The following MAPT variants were observed in gnomAD, a reference collection of about 807,000 sequenced individuals.
MAPT encodes the protein microtubule-associated protein tau.
Under a neutral mutation model 67.9 loss-of-function variants are expected in MAPT, and 34 were observed. The ratio of observed to expected loss-of-function variants is 0.50; its 90% CI spans 0.38 to 0.67. The LOEUF (loss-of-function observed/expected upper bound fraction) is 0.67, where lower values mean the gene tolerates loss of function less well. Ranked by LOEUF, MAPT falls within the 30% of genes least tolerant of loss-of-function variation. The pLI is 0.00. For synonymous variants in MAPT, 456 were observed against 464.5 expected (o/e 0.98, Z 0.23); for missense variants, 881 against 1,115.2 (o/e 0.79, Z 2.99).
intron 8 of MAPT, 71 bp downstream of exon 8, chr17:45,991,657 G>A (rs2074066133): frequency 6.8e-6 from 11 of 1,610,000 alleles, no homozygotes; most frequent in African/African-American, 1.3e-5. Flanking sequence ...ATTTTAGGAG[G>A]CCTTAGGCCA....
At chr17:45,982,837 C>A in intron 4 of MAPT, 29 bp from the exon 5 acceptor site, 4 of 1,228,234 alleles carry the variant, frequency 3.3e-6, no homozygotes, top group Non-Finnish European at 4.1e-6. Flanking sequence ...CCTTGCTAAC[C>A]TTTTGCTATC....
chr17:45,996,211 C>T lies in MAPT; in HGVS notation c.1733-188C>T, dbSNP rs2074455841. On this transcript the variant is annotated intron_variant, in intron 8 of 12. Transcript: ENST00000262410. The surrounding 1 kb of genome is among the most constrained non-coding windows in gnomAD (Gnocchi z 4.5). ...GGAAAGGGGTGTCTCTGTCCCTAAG[C>T]AAAAAGGCAGGGAGGAAGAGATGCT... is the stretch of plus-strand genomic sequence containing the variant. Among the ~76,000 whole-genome samples the T allele has an allele frequency of 6.6e-6, 1 of 152,040 alleles. No homozygotes were observed. The highest frequency in any genetic ancestry group is 1.5e-5 in the Non-Finnish European group (1 of 67,992).
intron 1 of MAPT, among the ~76,000 whole-genome samples, chr17:45,912,537 G>A (rs2064869137): frequency 6.6e-6 from 1 of 152,206 alleles, no homozygotes; most frequent in Non-Finnish European, 1.5e-5. Flanking sequence ...AAAAGTCCAG[G>A]AACCAATTCT....
At chr17:45,940,660 C>G (rs2067770079) in intron 1 of MAPT, among the ~76,000 whole-genome samples, 1 of 152,080 alleles carries the variant, frequency 6.6e-6, no homozygotes, top group Admixed American at 6.5e-5. Flanking sequence ...GTGAAGGGCC[C>G]CCTGGGATGA....
intron 2 of MAPT, among the ~76,000 whole-genome samples, chr17:45,970,150 A>T (rs556848899): frequency 6.6e-6 from 1 of 152,218 alleles, no homozygotes; most frequent in South Asian, 2.1e-4. Context: ...TTACACATCC[A>T]TCCAGTTATA....
At position 46,017,440 on chromosome 17, in the gene MAPT, ATTTTTTTTTTTTTTTTT is replaced by A. The variant is rs76980614; in HGVS notation, c.2174-1164_2174-1148del. Among the ~76,000 whole-genome samples, 38 of 63,010 alleles carry A rather than the reference ATTTTTTTTTTTTTTTTT, an allele frequency of 6.0e-4. 1 individual carries two copies. The highest frequency in any genetic ancestry group is 8.4e-4 in the Non-Finnish European group (29 of 34,430). The allele number at this position is 63,010 out of a possible 152,430, so 41.3% of individuals were successfully genotyped here. On this transcript the variant is annotated intron_variant, in intron 11 of 12. Transcript: ENST00000262410. The stretch of plus-strand genomic sequence containing the variant: ...AGGCACATGCCAACATGCCTGGCTA[ATTTTTTTTTTTTTTTTT>A]TTTTTTTTTTTTTGAGATGGAGTTG...
At chr17:45,992,037 C>G (rs561689928) in intron 8 of MAPT, among the ~76,000 whole-genome samples, 1 of 152,180 alleles carries the variant, frequency 6.6e-6, no homozygotes, top group South Asian at 2.1e-4. Flanking sequence ...CCACCTGCCT[C>G]GGCCTCCCAA....
chr17:45,978,720 C>T, intron 4 of MAPT: 1 of 465,832 alleles, frequency 2.1e-6, no homozygotes, highest in Non-Finnish European at 3.8e-6. Context: ...AACAGAAACT[C>T]TAGGCCGGGC....
At chr17:45,903,857 ATATATAT>A (rs1168417920) in intron 1 of MAPT, among the ~76,000 whole-genome samples, 4 of 37,286 alleles carry the variant, frequency 1.1e-4, no homozygotes, top group East Asian at 1.0e-3. Flanking sequence ...ATTATATATT[ATATATAT>A]TATATATTAT....
chr17:45,990,373 G>C (rs2073963938), intron 7 of MAPT: 6 of 478,974 alleles, frequency 1.3e-5, no homozygotes, highest in Middle Eastern at 1.2e-3. Flanking sequence ...CAGCTCTTTA[G>C]GAGGCCGAGG....
At chr17:45,992,891 C>CAA (rs1187123182) in intron 8 of MAPT, among the ~76,000 whole-genome samples, 17 of 85,540 alleles carry the variant, frequency 2.0e-4, no homozygotes, top group East Asian at 6.1e-4. Context: ...GATTCCTTCT[C>CAA]AAAAAAAAAA....
chr17:45,968,913 C>T (rs996243525), intron 2 of MAPT, among the ~76,000 whole-genome samples: 4 of 152,176 alleles, frequency 2.6e-5, no homozygotes, highest in Non-Finnish European at 5.9e-5. Flanking sequence ...GCCCTGTGAG[C>T]CAGTGGAGCT....
chr17:45,908,401 A>G (rs983069752), intron 1 of MAPT: 2 of 152,224 alleles, frequency 1.3e-5, no homozygotes, highest in Non-Finnish European at 2.9e-5. Context: ...GAGAAATTTA[A>G]TTAAAAGTGG....
rs879451616 is a variant in MAPT, at chr17:45,971,997, T to C, written c.220+52T>C. ...CATGCCTCCAGCCTGTGCTTAGCCG[T>C]GCTTTGAGCCTCCCTCCTGGCTGCA... On this transcript the variant is annotated intron_variant, in intron 3 of 12. Transcript: ENST00000262410. The surrounding 1 kb of genome is among the most constrained non-coding windows in gnomAD (Gnocchi z 4.3). 4.3e-6 allele frequency: 6 copies of C among 1,402,870 alleles called. No individual in the cohort carries two copies. Among genetic ancestry groups the C allele is most frequent in the Admixed American group, 3.4e-5 (2 of 59,044 alleles). The allele number at this position is 1,402,870 out of a possible 1,614,324, so 86.9% of individuals were successfully genotyped here.
At chr17:45,922,717 C>A (rs1205653453) in intron 1 of MAPT, among the ~76,000 whole-genome samples, 1 of 152,090 alleles carries the variant, frequency 6.6e-6, no homozygotes, top group African/African-American at 2.4e-5. Context: ...GAAATGTGGT[C>A]TAAAGATAGG....
chr17:45,895,474 G>A (rs1172605379), intron 1 of MAPT: 3 of 152,330 alleles, frequency 2.0e-5, no homozygotes, highest in African/African-American at 4.8e-5. Context: ...CAAAGGCAGG[G>A]TTCACCTGGC....
chr17:45,903,757 T>A (rs188957962), intron 1 of MAPT, among the ~76,000 whole-genome samples: 1,806 of 41,012 alleles, frequency 0.044, 109 homozygotes, highest in African/African-American at 0.063. Flanking sequence ...TTATATATAT[T>A]TTTTTTATAT....
At chr17:46,013,691 G>C (rs1409301375) in intron 10 of MAPT, among the ~76,000 whole-genome samples, 1 of 152,170 alleles carries the variant, frequency 6.6e-6, no homozygotes, top group Non-Finnish European at 1.5e-5. Flanking sequence ...GTGCTTTCCA[G>C]GGTCCGTGGA....
intron 9 of MAPT, among the ~76,000 whole-genome samples, chr17:46,005,079 C>T (rs991461764): frequency 2.0e-5 from 3 of 152,204 alleles, no homozygotes; most frequent in South Asian, 2.1e-4. Flanking sequence ...CCACCGTGCC[C>T]GGCCAGAAAA....
Sources: allele counts gnomAD v4.1 joint callset (sites outside exome capture counted in the v4.1 genomes callset), GRCh38; gene constraint gnomAD v4.1.1; non-coding constraint Gnocchi (gnomAD v3.1); transcripts MANE v1.5; gene names NCBI Gene and HGNC (gene_info 2026-07-23, HGNC 2026-07-21).